Variants in NCAM1 observed in about 807,000 individuals in gnomAD.
The protein encoded by NCAM1 is neural cell adhesion molecule 1, also known as antigen recognized by monoclonal antibody 5.1H11.
A neutral mutation model predicts 109.8 loss-of-function variants in NCAM1; 14 were observed. That is an observed-to-expected ratio of 0.13 (90% CI 0.08 to 0.20). NCAM1 has a LOEUF of 0.20. NCAM1 is among the 10% of genes least tolerant of loss of function. NCAM1 has a pLI of 1.00. For missense variants in NCAM1, 774 were observed against 1,109.9 expected (o/e 0.70, Z 4.30); for synonymous variants, 418 against 442.9 (o/e 0.94, Z 0.70).
intron 1 of NCAM1, among the ~76,000 whole-genome samples, chr11:113,064,568 T>C (rs1937858889): frequency 6.6e-6 from 1 of 152,198 alleles, no homozygotes; most frequent in Non-Finnish European, 1.5e-5. Context: ...GTTTTAAAAA[T>C]TTAAATACAT....
At chr11:112,990,675 T>TCCCA (rs1951435917) in intron 1 of NCAM1, among the ~76,000 whole-genome samples, 1 of 151,914 alleles carries the variant, frequency 6.6e-6, no homozygotes, top group African/African-American at 2.4e-5. Context: ...ATGGCGCAAG[T>TCCCA]GGGTGTGATT....
chr11:112,978,063 T>C (rs1951052874), intron 1 of NCAM1, among the ~76,000 whole-genome samples: 1 of 151,812 alleles, frequency 6.6e-6, no homozygotes, highest in Non-Finnish European at 1.5e-5. Context: ...TCCTGAACGT[T>C]GGGGTGAAGA....
intron 7 of NCAM1, among the ~76,000 whole-genome samples, chr11:113,213,597 C>T (rs183660247): frequency 6.6e-6 from 1 of 152,292 alleles, no homozygotes; most frequent in African/African-American, 2.4e-5. Context: ...CTTCTTATTG[C>T]TTCTTTTGGT....
intron 17 of NCAM1, chr11:113,263,399 G>T (rs1946061303): frequency 1.0e-6 from 1 of 988,846 alleles, no homozygotes; most frequent in African/African-American, 1.7e-5. Context: ...GGCTTTGCTT[G>T]CAATTAAGCA....
intron 1 of NCAM1, among the ~76,000 whole-genome samples, chr11:113,087,849 G>A (rs1427526523): frequency 6.6e-6 from 1 of 152,138 alleles, no homozygotes; most frequent in East Asian, 1.9e-4. Context: ...CATTTGACTT[G>A]AGGCATTATA....
intron 1 of NCAM1, among the ~76,000 whole-genome samples, chr11:113,004,386 G>A (rs782785421): frequency 2.4e-4 from 36 of 152,020 alleles, no homozygotes; most frequent in Non-Finnish European, 4.7e-4. Flanking sequence ...CCAGCTACTC[G>A]GGAGGCTGAG....
chr11:113,277,565 G>C lies in NCAM1; in HGVS notation c.*2178G>C, dbSNP rs1591482372. Reference sequence around the variant, plus strand: ...GCTCTTCTGGTCACCAGGCTGTTCAGTGGACTCAGTTCTTCATCTTGTAAT... The same window carrying C: ...GCTCTTCTGGTCACCAGGCTGTTCACTGGACTCAGTTCTTCATCTTGTAAT... On this transcript the variant is annotated 3_prime_UTR_variant, in exon 20 of 20. Transcript: ENST00000316851. 12 of 397,460 alleles carry C rather than the reference G, an allele frequency of 3.0e-5. No individual in the cohort carries two copies. In the East Asian group the frequency reaches 4.3e-4, roughly 14 times the overall value. The allele number at this position is 397,460 out of a possible 1,614,324, so 24.6% of individuals were successfully genotyped here.
At chr11:113,217,171 G>A (rs1944554885) in intron 8 of NCAM1, among the ~76,000 whole-genome samples, 1 of 152,208 alleles carries the variant, frequency 6.6e-6, no homozygotes, top group African/African-American at 2.4e-5. Context: ...AGGTCATCCA[G>A]TCTCACCTGG....
chr11:113,056,754 G>A (rs1953727073), intron 1 of NCAM1, among the ~76,000 whole-genome samples: 1 of 152,154 alleles, frequency 6.6e-6, no homozygotes, highest in African/African-American at 2.4e-5. Context: ...ATGGCAGTTT[G>A]CGAGACCCTG....
chr11:113,259,985 A>C, intron 16 of NCAM1, 161 bp from the exon 17 acceptor site: 1 of 605,466 alleles, frequency 1.7e-6, no homozygotes, highest in Non-Finnish European at 2.8e-6. Flanking sequence ...GATTATAGGC[A>C]TGAGCCACCG....
chr11:113,263,017 T>C, intron 17 of NCAM1: 3 of 1,533,870 alleles, frequency 2.0e-6, no homozygotes, highest in Non-Finnish European at 2.6e-6. Flanking sequence ...AGGACCACCA[T>C]GGCCACAGCT....
intron 1 of NCAM1, among the ~76,000 whole-genome samples, chr11:113,041,537 G>A (rs1048993171): frequency 6.6e-6 from 1 of 152,206 alleles, no homozygotes; most frequent in African/African-American, 2.4e-5. Flanking sequence ...ATGTAATGGG[G>A]ATGACTATCT....
intron 1 of NCAM1, among the ~76,000 whole-genome samples, chr11:113,066,796 C>A (rs571691789): frequency 6.6e-6 from 1 of 151,834 alleles, no homozygotes; most frequent in Non-Finnish European, 1.5e-5. Context: ...GTCAGGAGAT[C>A]GAGACCATCC....
intron 1 of NCAM1, among the ~76,000 whole-genome samples, chr11:112,971,331 T>C (rs1950876260): frequency 6.6e-6 from 1 of 151,582 alleles, no homozygotes; most frequent in Admixed American, 6.6e-5. Flanking sequence ...GTCAAAAGAG[T>C]TTGGAAGCTA....
At chr11:113,219,276 G>GA (rs1175503484) in intron 8 of NCAM1, among the ~76,000 whole-genome samples, 1 of 152,084 alleles carries the variant, frequency 6.6e-6, no homozygotes, top group Non-Finnish European at 1.5e-5. Flanking sequence ...CTTTTCACGA[G>GA]AAAAAAATTC....
chr11:113,265,994 T>C lies in NCAM1; in HGVS notation c.2132-4194T>C, dbSNP rs77625024. Among the ~76,000 whole-genome samples the C allele has an allele frequency of 2.2e-3, 342 of 152,202 alleles. 6 individuals are homozygous for C. The East Asian group carries it at 0.045, about 20-fold the overall frequency. ...GATGGACAGCTCCACCTTCATAATC[T>C]CCCTGTCCTGGGCAGCTCTGACCTC... On this transcript the variant is annotated intron_variant, in intron 17 of 19. Coordinates refer to ENST00000316851, the MANE Select transcript of NCAM1 (RefSeq NM_181351.5).
At chr11:112,969,458 G>T (rs1950818671) in intron 1 of NCAM1, among the ~76,000 whole-genome samples, 1 of 152,092 alleles carries the variant, frequency 6.6e-6, no homozygotes, top group Non-Finnish European at 1.5e-5. Flanking sequence ...GTGGCTTCTG[G>T]ACTGAGTCTG....
chr11:113,203,789 T>G (rs890535995), intron 2 of NCAM1, among the ~76,000 whole-genome samples: 3 of 152,328 alleles, frequency 2.0e-5, no homozygotes, highest in Admixed American at 6.5e-5. Flanking sequence ...AAAAAGTGGT[T>G]GGAATCTGCA....
At chr11:113,040,029 T>C (rs1953020071) in intron 1 of NCAM1, among the ~76,000 whole-genome samples, 1 of 152,052 alleles carries the variant, frequency 6.6e-6, no homozygotes, top group African/African-American at 2.4e-5. Context: ...TAGTCCCAGC[T>C]ACTCGGGAGG....
Sources: allele counts gnomAD v4.1 joint callset (sites outside exome capture counted in the v4.1 genomes callset), GRCh38; gene constraint gnomAD v4.1.1; transcripts MANE v1.5; gene names NCBI Gene and HGNC (gene_info 2026-07-23, HGNC 2026-07-21).